CNKSR3: variants seen among roughly 807,000 people sequenced by gnomAD.
CNKSR3 encodes the protein connector enhancer of kinase suppressor of ras 3.
In CNKSR3, 36 loss-of-function variants were observed where a neutral mutation model predicts 67.7. The observed-to-expected ratio is 0.53, with a 90% CI of 0.41 to 0.70. The LOEUF (loss-of-function observed/expected upper bound fraction) is 0.70, where lower values mean the gene tolerates loss of function less well. Ranked by LOEUF, CNKSR3 falls within the 30% of genes least tolerant of loss-of-function variation. The pLI, the probability that CNKSR3 is intolerant of heterozygous loss-of-function variation, is 0.00. For synonymous variants in CNKSR3, 281 were observed against 271.4 expected (o/e 1.04, Z -0.35); for missense variants, 630 against 695.2 (o/e 0.91, Z 1.05).
chr6:154,455,880 A>T (rs202031262), intron 1 of CNKSR3, among the ~76,000 whole-genome samples: 1 of 17,948 alleles, frequency 5.6e-5, no homozygotes, highest in Non-Finnish European at 1.1e-4. Context: ...TCTCAGTATC[A>T]GTCTTTGACA....
At chr6:154,497,381 AC>A (rs1014730762) in intron 1 of CNKSR3, among the ~76,000 whole-genome samples, 3 of 151,998 alleles carry the variant, frequency 2.0e-5, no homozygotes, top group Non-Finnish European at 2.9e-5. Context: ...ACAGAGGAAG[AC>A]CCTGTCTCAA....
chr6:154,463,173 A>G (rs1470657058), intron 1 of CNKSR3, among the ~76,000 whole-genome samples: 1 of 145,286 alleles, frequency 6.9e-6, no homozygotes, highest in Non-Finnish European at 1.5e-5. Flanking sequence ...GTGCAGTGGC[A>G]CAATCTCGGC....
intron 1 of CNKSR3, among the ~76,000 whole-genome samples, chr6:154,497,535 T>C (rs1786904142): frequency 6.6e-6 from 1 of 152,184 alleles, no homozygotes; most frequent in Non-Finnish European, 1.5e-5. Flanking sequence ...AGCAGAGTAA[T>C]TGGTACAAAA....
intron 1 of CNKSR3, among the ~76,000 whole-genome samples, chr6:154,497,501 C>T (rs907553351): frequency 6.6e-6 from 1 of 152,236 alleles, no homozygotes; most frequent in African/African-American, 2.4e-5. Context: ...TTACACCTAA[C>T]TCACCTGGCT....
chr6:154,458,900 G>T (rs1273629942), intron 1 of CNKSR3, among the ~76,000 whole-genome samples: 1 of 152,152 alleles, frequency 6.6e-6, no homozygotes. Flanking sequence ...GGATTGGAAA[G>T]CTGCCGTGCT....
rs377429375 is a variant in CNKSR3, at chr6:154,426,262, T to C, written c.729+1866A>G. Reference sequence around the variant, plus strand: ...CTGTTAGCCAGTGTTACAATTCTGGTAGGAATTCAGGGAATATATCATTAA... The same window carrying C: ...CTGTTAGCCAGTGTTACAATTCTGGCAGGAATTCAGGGAATATATCATTAA... On this transcript the variant is annotated intron_variant, in intron 7 of 12. Coordinates refer to ENST00000607772, the MANE Select transcript of CNKSR3 (RefSeq NM_173515.4). Among the ~76,000 whole-genome samples the C allele has an allele frequency of 6.6e-4, 101 of 152,308 alleles. 3 individuals are homozygous for C. In the South Asian group the frequency reaches 0.018, roughly 27 times the overall value.
chr6:154,459,797 G>A (rs558684283), intron 1 of CNKSR3, among the ~76,000 whole-genome samples: 2 of 152,308 alleles, frequency 1.3e-5, no homozygotes, highest in South Asian at 4.1e-4. Context: ...TCCATGCCAG[G>A]ATAATTTAAG....
At position 154,406,629 on chromosome 6, in the gene CNKSR3, A is replaced by C. The variant is rs772446595; in HGVS notation, c.1393T>G (p.Phe465Val). The C allele has an allele frequency of 1.9e-6, 3 of 1,613,078 alleles. No individual in the cohort carries two copies. The highest frequency in any genetic ancestry group is 1.1e-5 in the South Asian group (1 of 91,046). The part of the protein sequence containing the change: ...RKGEDALCRY[F>V]SNERIPPIIE... ...ATCGGAGGAATCCGCTCGTTACTGA[A>C]ATACCGGCAAAGGGCATCCTCCCCT... Residue 465 changes from phenylalanine (F) to valine (V), a missense_variant, in exon 13 of 13, where the codon TTC becomes GTC. By Grantham distance (50) the Phe-to-Val change is conservative (BLOSUM62 -1). This residue lies in a region of CNKSR3 where 308 missense variants were observed against 299.6 expected (regional missense o/e 1.03). Coordinates refer to ENST00000607772, the MANE Select transcript of CNKSR3 (RefSeq NM_173515.4).
At chr6:154,446,800 AT>A (rs1364942203) in intron 2 of CNKSR3, among the ~76,000 whole-genome samples, 3 of 136,986 alleles carry the variant, frequency 2.2e-5, no homozygotes, top group African/African-American at 8.6e-5. Flanking sequence ...AGTCATACTT[AT>A]CTTTTTTTTT....
chr6:154,421,844 A>T (rs1785150257), intron 9 of CNKSR3, among the ~76,000 whole-genome samples: 1 of 152,190 alleles, frequency 6.6e-6, no homozygotes, highest in South Asian at 2.1e-4. Flanking sequence ...AGAGAGGAGA[A>T]GGACTAGAAG....
At chr6:154,435,877 G>A (rs533051245) in intron 4 of CNKSR3, among the ~76,000 whole-genome samples, 2 of 152,344 alleles carry the variant, frequency 1.3e-5, no homozygotes, top group Admixed American at 1.3e-4. Flanking sequence ...TCTAAAATGG[G>A]GTGATAACAA....
chr6:154,493,911 C>A (rs142232298), intron 1 of CNKSR3, among the ~76,000 whole-genome samples: 1 of 152,208 alleles, frequency 6.6e-6, no homozygotes, highest in African/African-American at 2.4e-5. Context: ...GATCACAGCT[C>A]GAGATGAGAT....
chr6:154,433,564 A>G (rs1785412300), intron 4 of CNKSR3, 57 bp from the exon 5 acceptor site: 2 of 1,319,408 alleles, frequency 1.5e-6, no homozygotes, highest in Non-Finnish European at 2.2e-6. Flanking sequence ...AACGTTCAGA[A>G]CTGTTGGCCT....
rs1315364712 is a variant in CNKSR3 at position 154,406,197 on chromosome 6, C to G, written c.*157G>C. 1.4e-6 allele frequency: 1 copy of G among 692,244 alleles called. No homozygotes were observed. The highest frequency in any genetic ancestry group is 2.4e-6 in the Non-Finnish European group (1 of 419,448). The allele number at this position is 692,244 out of a possible 1,614,324, so 42.9% of individuals were successfully genotyped here. On this transcript the variant is annotated 3_prime_UTR_variant, in exon 13 of 13. Coordinates refer to ENST00000607772, the MANE Select transcript of CNKSR3 (RefSeq NM_173515.4). Reference sequence around the variant, plus strand: ...CTGAATTTGTTCCCATCCAATCCTGCAAACTTCCAAGAAGGGCAGTAGATA... The same window carrying G: ...CTGAATTTGTTCCCATCCAATCCTGGAAACTTCCAAGAAGGGCAGTAGATA...
chr6:154,414,370 T>C lies in CNKSR3; in HGVS notation c.999A>G (p.Ser333=), dbSNP rs1784971379. The C allele has an allele frequency of 1.9e-6, 3 of 1,611,480 alleles. No individual in the cohort carries two copies. The highest frequency in any genetic ancestry group is 2.2e-5 in the East Asian group (1 of 44,870). The change falls in exon 10 of 13, where the codon TCA becomes TCG. Residue 333 remains serine (S), a synonymous_variant. Transcript: ENST00000607772. ...GGATGGCTGACTTCTCCTTCTTCAG[T>C]GAGGTATCCATAGTGCTTTCAGGGG... ...TQSPESTMDT[S]LKKEKSAILD...
intron 2 of CNKSR3, among the ~76,000 whole-genome samples, chr6:154,448,159 G>T (rs1219620277): frequency 1.3e-5 from 2 of 151,978 alleles, no homozygotes; most frequent in Non-Finnish European, 2.9e-5. Flanking sequence ...GTCCAGCTTT[G>T]TTCATTTTAG....
intron 1 of CNKSR3, among the ~76,000 whole-genome samples, chr6:154,492,110 A>G (rs1040469109): frequency 1.3e-5 from 2 of 152,132 alleles, no homozygotes; most frequent in Non-Finnish European, 2.9e-5. Flanking sequence ...ATTCTCAGTC[A>G]TCCTCTCACT....
chr6:154,448,620 A>T (rs73790972), intron 2 of CNKSR3, among the ~76,000 whole-genome samples: 4,428 of 152,104 alleles, frequency 0.029, 219 homozygotes, highest in African/African-American at 0.1. Flanking sequence ...AGCCAGGATT[A>T]GAATGCAAAT....
intron 1 of CNKSR3, among the ~76,000 whole-genome samples, chr6:154,451,897 C>T (rs11155974): frequency 0.7 from 106,904 of 152,050 alleles, 37,930 homozygotes; most frequent in East Asian, 0.9. Flanking sequence ...GCTGGGGATA[C>T]TGATATAAAC....
Sources: allele counts gnomAD v4.1 joint callset (sites outside exome capture counted in the v4.1 genomes callset), GRCh38; gene constraint gnomAD v4.1.1; regional missense constraint gnomAD v4.1.1; transcripts MANE v1.5; gene names NCBI Gene and HGNC (gene_info 2026-07-23, HGNC 2026-07-21).